The following GRIK1 variants were observed in gnomAD, a reference collection of about 807,000 sequenced individuals.
GRIK1 encodes the protein glutamate receptor ionotropic, kainate 1.
In GRIK1, 69 loss-of-function variants were observed where a neutral mutation model predicts 105.7. That is an observed-to-expected ratio of 0.65 (90% confidence interval 0.54 to 0.80). GRIK1 has a LOEUF of 0.80. Ranked by LOEUF, GRIK1 falls within the 30% of genes least tolerant of loss-of-function variation. The probability of loss-of-function intolerance (pLI) is 0.00; values close to 1 mark genes in which losing one functional copy is unlikely to be tolerated. For synonymous variants in GRIK1, 438 were observed against 431.3 expected (o/e 1.02, Z -0.19); for missense variants, 1,109 against 1,167.3 (o/e 0.95, Z 0.73).
intron 14 of GRIK1, 59 bp downstream of exon 14, chr21:29,576,905 C>A: frequency 1.2e-6 from 1 of 839,180 alleles, no homozygotes; most frequent in Non-Finnish European, 1.8e-6. Flanking sequence ...TCGACAGATT[C>A]TTTTATACTC....
chr21:29,689,750 T>G lies in GRIK1; in HGVS notation c.522A>C (p.Thr174=), dbSNP rs363538. 244,736 of 1,613,154 alleles carry G rather than the reference T, an allele frequency of 0.15. 29,634 individuals carry two copies. The highest frequency in any genetic ancestry group is 0.61 in the African/African-American group (45,398 of 74,828). ...LVLYYNWKTV[T]VVYEDSTGLI... is the part of the protein sequence containing the mutation. ...TACCTGTGCTGTCTTCATACACCAC[T>G]GTCACTGTTTTCCAGTTGTAATAGA... Residue 174 remains threonine, a synonymous_variant, in exon 3 of 18, where the codon ACA becomes ACC. Coordinates refer to ENST00000327783, the MANE Select transcript of GRIK1 (RefSeq NM_001330994.2).
intron 1 of GRIK1, among the ~76,000 whole-genome samples, chr21:29,824,399 C>T (rs192728362): frequency 4.6e-5 from 7 of 151,836 alleles, no homozygotes; most frequent in African/African-American, 1.2e-4. Context: ...TTTCATGAAG[C>T]TTACATTTCA....
chr21:29,586,138 C>G (rs1338651157), intron 12 of GRIK1, among the ~76,000 whole-genome samples: 1 of 152,108 alleles, frequency 6.6e-6, no homozygotes. Context: ...TACATACTGT[C>G]AATATTTTAT....
chr21:29,657,365 TA>T (rs1870854906), intron 4 of GRIK1: 1 of 152,242 alleles, frequency 6.6e-6, no homozygotes, highest in South Asian at 2.1e-4. Flanking sequence ...TTTAACTGAT[TA>T]TTTTTATTAT....
intron 7 of GRIK1, among the ~76,000 whole-genome samples, chr21:29,628,053 A>G (rs1441127546): frequency 6.6e-6 from 1 of 152,222 alleles, no homozygotes; most frequent in Non-Finnish European, 1.5e-5. Context: ...CCCTGATGGA[A>G]TAACTGTACA....
At chr21:29,642,171 G>A (rs886204529) in intron 7 of GRIK1, among the ~76,000 whole-genome samples, 12 of 152,100 alleles carry the variant, frequency 7.9e-5, no homozygotes, top group Admixed American at 1.3e-4. Flanking sequence ...AAGGAGTCAC[G>A]GGGCTTAGAA....
intron 7 of GRIK1, among the ~76,000 whole-genome samples, 192 bp from the exon 8 acceptor site, chr21:29,599,129 T>C (rs1034718098): frequency 6.6e-6 from 1 of 152,252 alleles, no homozygotes; most frequent in African/African-American, 2.4e-5. Context: ...TCATTTATTC[T>C]GTCAATTCTA....
intron 7 of GRIK1, among the ~76,000 whole-genome samples, chr21:29,600,681 A>T (rs2061501700): frequency 2.0e-5 from 3 of 152,206 alleles, no homozygotes; most frequent in African/African-American, 7.2e-5. Context: ...AATTTTCCAT[A>T]CCTCTAGGGC....
chr21:29,763,152 TG>T (rs995018562), intron 1 of GRIK1, among the ~76,000 whole-genome samples: 2 of 152,198 alleles, frequency 1.3e-5, no homozygotes, highest in Non-Finnish European at 2.9e-5. Flanking sequence ...GACTGGATCA[TG>T]GGGGTGGTTC....
At chr21:29,603,172 G>T (rs1385636891) in intron 7 of GRIK1, among the ~76,000 whole-genome samples, 1 of 151,962 alleles carries the variant, frequency 6.6e-6, no homozygotes, top group Non-Finnish European at 1.5e-5. Context: ...CATATTTTCT[G>T]GCTACCATTC....
At chr21:29,564,399 G>A (rs368900801) in intron 14 of GRIK1, among the ~76,000 whole-genome samples, 3 of 152,074 alleles carry the variant, frequency 2.0e-5, no homozygotes, top group Non-Finnish European at 2.9e-5. Context: ...CGCCCGCCTC[G>A]GCCTCCCAAA....
intron 7 of GRIK1, among the ~76,000 whole-genome samples, chr21:29,602,170 T>G (rs930198672): frequency 6.6e-6 from 1 of 152,214 alleles, no homozygotes. Flanking sequence ...AAACGAGCTT[T>G]AGCTCTGGAA....
chr21:29,883,937 T>G (rs2069516530), intron 1 of GRIK1, among the ~76,000 whole-genome samples: 1 of 151,944 alleles, frequency 6.6e-6, no homozygotes, highest in South Asian at 2.1e-4. Context: ...CAGGTTTCCT[T>G]CAGGCCTGAG....
rs1601560240 is a variant in GRIK1 at position 29,734,943 on chromosome 21, A to T, written c.119-40880T>A. On this transcript the variant is annotated intron_variant, in intron 1 of 17. Transcript: ENST00000327783. ...GCATGCAGGGACCTCCAACTTGCAC[A>T]CTCCTTAAATTGCCTGCTCTCCAAC... 2.0e-5 allele frequency among the ~76,000 whole-genome samples: 3 copies of T among 152,016 alleles called. No homozygotes were observed. In the South Asian group the frequency reaches 6.3e-4, roughly 32 times the overall value.
intron 1 of GRIK1, among the ~76,000 whole-genome samples, chr21:29,936,076 C>T (rs181154319): frequency 1.7e-4 from 26 of 152,250 alleles, no homozygotes; most frequent in African/African-American, 5.3e-4. Flanking sequence ...ACAGCAATGG[C>T]CTGGTAAGAC....
At chr21:29,609,507 T>C (rs1421090526) in intron 7 of GRIK1, among the ~76,000 whole-genome samples, 1 of 152,198 alleles carries the variant, frequency 6.6e-6, no homozygotes, top group African/African-American at 2.4e-5. Context: ...GTGAGAGTGT[T>C]TCCAGATGAG....
intron 15 of GRIK1, among the ~76,000 whole-genome samples, chr21:29,556,010 C>T (rs2090245074): frequency 6.6e-6 from 1 of 152,154 alleles, no homozygotes; most frequent in East Asian, 1.9e-4. Flanking sequence ...TAAACAAGAT[C>T]CTGATTTCAG....
At chr21:29,824,148 A>T (rs901833833) in intron 1 of GRIK1, among the ~76,000 whole-genome samples, 7 of 152,126 alleles carry the variant, frequency 4.6e-5, no homozygotes, top group Non-Finnish European at 8.8e-5. Context: ...ACTGGAAATT[A>T]ATATATCTAA....
intron 1 of GRIK1, among the ~76,000 whole-genome samples, chr21:29,931,466 G>A (rs1020301476): frequency 3.9e-5 from 6 of 152,156 alleles, no homozygotes; most frequent in African/African-American, 1.4e-4. Context: ...GTTATCAAGC[G>A]TGAATACTAG....
Sources: allele counts gnomAD v4.1 joint callset (sites outside exome capture counted in the v4.1 genomes callset), GRCh38; gene constraint gnomAD v4.1.1; transcripts MANE v1.5; gene names NCBI Gene and HGNC (gene_info 2026-07-23, HGNC 2026-07-21).